The following SHISA6 variants were observed in gnomAD, a reference collection of about 807,000 sequenced individuals.
SHISA6 encodes the protein shisa family member 6, also known as protein shisa-6.
SHISA6 carries 22 observed loss-of-function variants against 47.9 expected under a neutral mutation model. The ratio of observed to expected loss-of-function variants is 0.46; its 90% confidence interval spans 0.33 to 0.66. The LOEUF is 0.66. Among genes scored for constraint, SHISA6 ranks in the 30% least tolerant of loss-of-function variants. The probability of loss-of-function intolerance (pLI) is 0.02; values close to 1 mark genes in which losing one functional copy is unlikely to be tolerated. For missense variants in SHISA6, 680 were observed against 764.6 expected (o/e 0.89, Z 1.30); for synonymous variants, 388 against 337.8 (o/e 1.15, Z -1.63).
chr17:11,405,355 G>A (rs1334746392), intron 3 of SHISA6, among the ~76,000 whole-genome samples: 1 of 152,100 alleles, frequency 6.6e-6, no homozygotes, highest in African/African-American at 2.4e-5. Flanking sequence ...TAGCCAAGGT[G>A]TAGAGCTATG....
At chr17:11,375,535 G>C (rs150211758) in intron 2 of SHISA6, among the ~76,000 whole-genome samples, 37 of 152,246 alleles carry the variant, frequency 2.4e-4, no homozygotes, top group African/African-American at 8.4e-4. Flanking sequence ...ATCACCATTT[G>C]GATATTATCT....
intron 2 of SHISA6, among the ~76,000 whole-genome samples, chr17:11,319,381 A>T (rs1309784507): frequency 2.0e-5 from 3 of 152,054 alleles, no homozygotes; most frequent in African/African-American, 7.2e-5. Context: ...GCCAGACTGT[A>T]TTTCTTATTA....
chr17:11,399,964 A>G (rs1029982246), intron 3 of SHISA6, among the ~76,000 whole-genome samples: 2 of 152,144 alleles, frequency 1.3e-5, no homozygotes, highest in African/African-American at 4.8e-5. Flanking sequence ...ATGTGATACT[A>G]TACACTTCCC....
chr17:11,330,489 G>GGAGAGA (rs4055800), intron 2 of SHISA6, among the ~76,000 whole-genome samples: 22,205 of 147,368 alleles, frequency 0.15, 1,740 homozygotes, highest in Middle Eastern at 0.23. Flanking sequence ...GTAATGCTAG[G>GGAGAGA]GAGAGAGAGA....
intron 2 of SHISA6, among the ~76,000 whole-genome samples, chr17:11,331,728 G>T (rs2142205141): frequency 7.9e-6 from 1 of 127,356 alleles, no homozygotes; most frequent in South Asian, 2.4e-4. Context: ...AGCTCACATG[G>T]ACAGGGCTCT....
At chr17:11,534,064 T>C (rs1401949526) in intron 3 of SHISA6, among the ~76,000 whole-genome samples, 2 of 149,798 alleles carry the variant, frequency 1.3e-5, no homozygotes, top group African/African-American at 4.9e-5. Flanking sequence ...CACAACCTCC[T>C]CTCCCGGGTT....
At chr17:11,495,035 G>A (rs2071396885) in intron 3 of SHISA6, among the ~76,000 whole-genome samples, 1 of 152,164 alleles carries the variant, frequency 6.6e-6, no homozygotes, top group South Asian at 2.1e-4. Flanking sequence ...GGGGTTTCCT[G>A]AGACATGGGA....
intron 3 of SHISA6, among the ~76,000 whole-genome samples, chr17:11,437,776 A>G (rs145635848): frequency 5.3e-5 from 8 of 152,208 alleles, no homozygotes; most frequent in African/African-American, 1.9e-4. Flanking sequence ...ATGTGTCCCA[A>G]TGCGTAAAAG....
chr17:11,495,993 TCATC>T (rs10642001), intron 3 of SHISA6, among the ~76,000 whole-genome samples: 1,705 of 148,840 alleles, frequency 0.011, 38 homozygotes, highest in African/African-American at 0.038. Flanking sequence ...ATTTATCCAT[TCATC>T]CATCCATCCA....
chr17:11,339,128 A>G (rs1413135104), intron 2 of SHISA6, among the ~76,000 whole-genome samples: 1 of 151,730 alleles, frequency 6.6e-6, no homozygotes, highest in East Asian at 1.9e-4. Context: ...ACAAACCTGC[A>G]CATTGTGCAC....
chr17:11,327,546 C>T (rs1260129254), intron 2 of SHISA6, among the ~76,000 whole-genome samples: 3 of 152,164 alleles, frequency 2.0e-5, no homozygotes, highest in African/African-American at 7.2e-5. Flanking sequence ...CTGAAGGACC[C>T]AGCACTTTGG....
intron 2 of SHISA6, among the ~76,000 whole-genome samples, chr17:11,314,846 C>T (rs1416167813): frequency 3.9e-5 from 6 of 152,052 alleles, no homozygotes; most frequent in Admixed American, 6.6e-5. Context: ...GGCCCATGCT[C>T]GTTTTTTCAA....
intron 3 of SHISA6, among the ~76,000 whole-genome samples, chr17:11,519,757 C>T (rs1370618475): frequency 6.6e-6 from 1 of 152,140 alleles, no homozygotes; most frequent in East Asian, 1.9e-4. Context: ...TTTCCACCTC[C>T]CCCACGCCAA....
At chr17:11,300,692 A>T (rs1909895970) in intron 2 of SHISA6, among the ~76,000 whole-genome samples, 1 of 142,448 alleles carries the variant, frequency 7.0e-6, no homozygotes. Context: ...TTTGTAATTC[A>T]GTGACTGTGG....
chr17:11,298,056 G>A (rs1389197681), intron 2 of SHISA6, among the ~76,000 whole-genome samples: 2 of 152,198 alleles, frequency 1.3e-5, no homozygotes, highest in Non-Finnish European at 2.9e-5. Flanking sequence ...GTGTGCTTAT[G>A]TTATGCCAAT....
intron 3 of SHISA6, among the ~76,000 whole-genome samples, chr17:11,429,607 C>T (rs2142288499): frequency 6.8e-6 from 1 of 147,630 alleles, no homozygotes; most frequent in Non-Finnish European, 1.5e-5. Flanking sequence ...AATGGAGAAA[C>T]CCCATCTCTA....
intron 2 of SHISA6, among the ~76,000 whole-genome samples, chr17:11,324,004 T>A (rs1910793954): frequency 6.6e-6 from 1 of 152,178 alleles, no homozygotes; most frequent in African/African-American, 2.4e-5. Context: ...ACAAATAAAA[T>A]GATTGAGGGA....
At chr17:11,288,119 TGAAAA>T (rs1417334001) in intron 2 of SHISA6, 3 of 152,330 alleles carry the variant, frequency 2.0e-5, no homozygotes, top group Admixed American at 6.5e-5. Context: ...AGGATGAATC[TGAAAA>T]GAAAAGGATG....
intron 2 of SHISA6, chr17:11,289,224 G>T (rs976613106): frequency 6.6e-6 from 1 of 152,054 alleles, no homozygotes; most frequent in African/African-American, 2.4e-5. Context: ...TTAATAGAAT[G>T]ATATATTAGC....
Sources: allele counts gnomAD v4.1 joint callset (sites outside exome capture counted in the v4.1 genomes callset), GRCh38; gene constraint gnomAD v4.1.1; transcripts MANE v1.5; gene names NCBI Gene and HGNC (gene_info 2026-07-23, HGNC 2026-07-21).